The following DIXDC1 variants were observed in gnomAD, a reference collection of about 807,000 sequenced individuals.
The protein encoded by DIXDC1 is dixin.
Under a neutral mutation model 103.1 loss-of-function variants are expected in DIXDC1, and 64 were observed. The ratio of observed to expected loss-of-function variants is 0.62; its 90% CI spans 0.51 to 0.76. The LOEUF (loss-of-function observed/expected upper bound fraction) is 0.76. Among genes scored for constraint, DIXDC1 ranks in the 30% least tolerant of loss-of-function variants. The pLI is 0.00. For missense variants in DIXDC1, 759 were observed against 834.2 expected (o/e 0.91, Z 1.11); for synonymous variants, 266 against 298.5 (o/e 0.89, Z 1.12).
At chr11:111,938,632 C>G (rs782729096) in intron 1 of DIXDC1, among the ~76,000 whole-genome samples, 1 of 152,144 alleles carries the variant, frequency 6.6e-6, no homozygotes, top group African/African-American at 2.4e-5. Flanking sequence ...CTCATGAATT[C>G]GTGTATAAGA....
At chr11:111,937,614 C>G (rs903663543) in intron 1 of DIXDC1, 55 bp downstream of exon 1, 6 of 1,533,760 alleles carry the variant, frequency 3.9e-6, no homozygotes, top group Non-Finnish European at 4.4e-6. Context: ...GTCTCCCGCC[C>G]AGTCTCCGGA....
intron 6 of DIXDC1, 63 bp downstream of exon 6, chr11:111,980,912 C>T (rs1238685434): frequency 3.6e-6 from 5 of 1,377,806 alleles, no homozygotes; most frequent in Non-Finnish European, 5.1e-6. Flanking sequence ...ATTTAGAGGT[C>T]CCCATCACCA....
chr11:111,929,701 G>A, intron 1 of DIXDC1: 1 of 574,884 alleles, frequency 1.7e-6, no homozygotes, highest in Non-Finnish European at 3.0e-6. Context: ...GATACTTCAA[G>A]ATGACTTAAG....
intron 1 of DIXDC1, among the ~76,000 whole-genome samples, chr11:111,940,494 T>C (rs1966382537): frequency 6.6e-6 from 1 of 152,174 alleles, no homozygotes; most frequent in African/African-American, 2.4e-5. Flanking sequence ...GTCCTATGAA[T>C]GTTGTAAATG....
At chr11:112,003,499 A>G (rs2137609528) in intron 17 of DIXDC1, among the ~76,000 whole-genome samples, 1 of 152,068 alleles carries the variant, frequency 6.6e-6, no homozygotes, top group African/African-American at 2.4e-5. Context: ...GTTTTAACGT[A>G]AAGAAAAGAT....
intron 5 of DIXDC1, 188 bp downstream of exon 5, chr11:111,975,171 G>T: frequency 1.4e-6 from 2 of 1,393,068 alleles, no homozygotes; most frequent in Non-Finnish European, 1.9e-6. Flanking sequence ...GGTAGGGTGG[G>T]GTGCTGGTTT....
intron 9 of DIXDC1, 79 bp from the exon 10 acceptor site, chr11:111,988,926 C>A: frequency 7.9e-7 from 1 of 1,272,464 alleles, no homozygotes; most frequent in Non-Finnish European, 1.1e-6. Context: ...GGGTTTTGTC[C>A]TCTTGCCGAC....
intron 2 of DIXDC1, among the ~76,000 whole-genome samples, chr11:111,932,000 T>C (rs1966033898): frequency 6.7e-6 from 1 of 148,638 alleles, no homozygotes; most frequent in Non-Finnish European, 1.5e-5. Flanking sequence ...AATATAATAC[T>C]CACCCACAGG....
At position 111,955,558 on chromosome 11, in the gene DIXDC1, G is replaced by A. The variant is rs1475972844; in HGVS notation, c.61-8991G>A. ...ATAATTGAAATCAAGATCTTGGCCC[G>A]GTGCGGTGGCTCATGCCTGTAATCT... On this transcript the variant is annotated intron_variant, in intron 1 of 19. Coordinates refer to ENST00000440460, the MANE Select transcript of DIXDC1 (RefSeq NM_001037954.4). Among the ~76,000 whole-genome samples the A allele has an allele frequency of 3.3e-5, 5 of 151,954 alleles. No individual in the cohort carries two copies. In the South Asian group the frequency reaches 6.2e-4, roughly 19 times the overall value.
Position 111,958,587 on chromosome 11 carries a change from C to T in DIXDC1, c.61-5962C>T, listed in dbSNP as rs994944400. 5.9e-5 allele frequency among the ~76,000 whole-genome samples: 9 copies of T among 152,158 alleles called. No individual in the cohort carries two copies. Among genetic ancestry groups the T allele is most frequent in the South Asian group, 4.1e-4 (2 of 4,828 alleles). ...TGAGGGGATGGTGTGGGCAGCTCAG[C>T]GCTGGTCTACACGTGCCCCTTGGCA... On this transcript the variant is annotated intron_variant, in intron 1 of 19. Transcript: ENST00000440460. This position sits in a 1 kb window ranked among gnomAD's most constrained non-coding sequence, Gnocchi z 4.2.
chr11:111,999,225 C>T (rs1373451139), intron 17 of DIXDC1, among the ~76,000 whole-genome samples: 2 of 152,126 alleles, frequency 1.3e-5, no homozygotes, highest in African/African-American at 4.8e-5. Context: ...CTTTCTGAAC[C>T]CACTTCCTTT....
At chr11:111,956,774 G>A (rs1278160092) in intron 1 of DIXDC1, among the ~76,000 whole-genome samples, 1 of 152,156 alleles carries the variant, frequency 6.6e-6, no homozygotes, top group African/African-American at 2.4e-5. Context: ...ACAGGCTTGA[G>A]CCACCATGCC....
At chr11:112,009,069 TAAAG>T (rs1232822520) in intron 17 of DIXDC1, among the ~76,000 whole-genome samples, 1 of 151,342 alleles carries the variant, frequency 6.6e-6, no homozygotes, top group African/African-American at 2.4e-5. Flanking sequence ...GCAAGACTAA[TAAAG>T]AAGAAAAGAG....
At chr11:111,938,357 G>A (rs1014382934) in intron 1 of DIXDC1, among the ~76,000 whole-genome samples, 13 of 152,190 alleles carry the variant, frequency 8.5e-5, no homozygotes, top group Non-Finnish European at 1.8e-4. Context: ...CTGCAGCTAA[G>A]CCCTACTCTT....
At position 112,001,754 on chromosome 11, in the gene DIXDC1, A is replaced by ATT. The variant is rs587718870; in HGVS notation, c.1756+5626_1756+5627dup. 2.9e-3 allele frequency among the ~76,000 whole-genome samples: 390 copies of ATT among 134,098 alleles called. 4 individuals carry two copies. Among genetic ancestry groups the ATT allele is most frequent in the African/African-American group, 9.4e-3 (340 of 36,164 alleles). The allele number at this position is 134,098 out of a possible 152,430, so 88.0% of individuals were successfully genotyped here. ...TACAACAGATAAGAATTCAGCTGAG[A>ATT]TTTTTTTTTTTTTTTTTTTGAGACG... On this transcript the variant is annotated intron_variant, in intron 17 of 19. Transcript: ENST00000440460.
chr11:111,975,676 G>A (rs1860074010), intron 5 of DIXDC1: 2 of 985,570 alleles, frequency 2.0e-6, no homozygotes, highest in Non-Finnish European at 2.4e-6. Context: ...TTTTGTTGCT[G>A]AATCATAATT....
rs182884818 is a variant in DIXDC1 at position 111,950,812 on chromosome 11, A to G, written c.60+13253A>G. On this transcript the variant is annotated intron_variant, in intron 1 of 19. Transcript: ENST00000440460. ...GTATTGTGATATAGGCTTATGATGTATAATAATCATATCAGTGTAAATGGG... is the reference window on the plus strand; with the variant it reads ...GTATTGTGATATAGGCTTATGATGTGTAATAATCATATCAGTGTAAATGGG... Among the ~76,000 whole-genome samples, 185 of 152,292 alleles carry G rather than the reference A, an allele frequency of 1.2e-3. 1 individual carries two copies. The highest frequency in any genetic ancestry group is 4.2e-3 in the African/African-American group (173 of 41,560).
chr11:111,997,280 C>T (rs1860930873), intron 17 of DIXDC1, among the ~76,000 whole-genome samples: 1 of 152,114 alleles, frequency 6.6e-6, no homozygotes, highest in South Asian at 2.1e-4. Flanking sequence ...AACCTCTGAT[C>T]CCAGATATCT....
At chr11:111,987,402 T>C (rs1860529596) in intron 9 of DIXDC1, among the ~76,000 whole-genome samples, 1 of 152,190 alleles carries the variant, frequency 6.6e-6, no homozygotes, top group African/African-American at 2.4e-5. Context: ...TTTTTAATCC[T>C]GGTGGTAGGT....
Sources: gnomAD v4.1 joint callset for allele counts (sites outside exome capture counted in the v4.1 genomes callset) on GRCh38, gnomAD v4.1.1 for gene constraint, Gnocchi (gnomAD v3.1) non-coding constraint, MANE v1.5 for transcripts, NCBI Gene and HGNC (gene_info 2026-07-23, HGNC 2026-07-21) for gene names.